The following DIP2C variants were observed in gnomAD, a reference collection of about 807,000 sequenced individuals.
DIP2C encodes the protein disco-interacting protein 2 homolog C.
Under a neutral mutation model 192.4 loss-of-function variants are expected in DIP2C, and 33 were observed. The observed-to-expected ratio is 0.17, with a 90% CI of 0.13 to 0.23. DIP2C has a LOEUF of 0.23. Among genes scored for constraint, DIP2C ranks in the 10% least tolerant of loss-of-function variants. DIP2C has a pLI of 1.00. For synonymous variants in DIP2C, 979 were observed against 864.1 expected (o/e 1.13, Z -2.33); for missense variants, 1,537 against 2,110.1 (o/e 0.73, Z 5.32).
At chr10:653,153 A>G (rs1427144218) in intron 1 of DIP2C, among the ~76,000 whole-genome samples, 1 of 152,128 alleles carries the variant, frequency 6.6e-6, no homozygotes, top group Non-Finnish European at 1.5e-5. Context: ...TGCCACATTT[A>G]AAATGGTCAT....
At chr10:379,839 G>A (rs1050169467) in intron 17 of DIP2C, among the ~76,000 whole-genome samples, 7 of 151,910 alleles carry the variant, frequency 4.6e-5, no homozygotes, top group African/African-American at 1.7e-4. Flanking sequence ...GGCTGTCCCT[G>A]GAAGATGGTT....
rs1163159826 is a variant in DIP2C, at chr10:334,282, G to A, written c.3585-4681C>T. Among the ~76,000 whole-genome samples the A allele has an allele frequency of 4.9e-5, 6 of 122,362 alleles. 1 individual carries two copies. Among genetic ancestry groups the A allele is most frequent in the South Asian group, 5.6e-4 (2 of 3,568 alleles). The allele number at this position is 122,362 out of a possible 152,430, so 80.3% of individuals were successfully genotyped here. A position where few individuals can be genotyped will look rare whatever the true frequency, so the allele number is the denominator to read the frequency against. ...AGATCAAGCTACTGCACTCCAGCCC[G>A]GGTGACAGAGCAAGACTGTCTCAAA... On this transcript the variant is annotated intron_variant, in intron 29 of 36. Transcript: ENST00000280886.
intron 5 of DIP2C, among the ~76,000 whole-genome samples, chr10:421,436 T>C (rs1239120653): frequency 6.6e-6 from 1 of 152,216 alleles, no homozygotes; most frequent in Non-Finnish European, 1.5e-5. Flanking sequence ...AGATGGTGTT[T>C]GGCCTCCCCG....
At chr10:584,261 CTT>C (rs1428803945) in intron 1 of DIP2C, among the ~76,000 whole-genome samples, 1 of 152,238 alleles carries the variant, frequency 6.6e-6, no homozygotes, top group African/African-American at 2.4e-5. Flanking sequence ...TTGTGATACT[CTT>C]TAAACAACCA....
chr10:368,947 C>T (rs1960631852), intron 18 of DIP2C, among the ~76,000 whole-genome samples: 1 of 152,244 alleles, frequency 6.6e-6, no homozygotes, highest in Admixed American at 6.5e-5. Flanking sequence ...GGTGCCTGGG[C>T]GCTCCTCGTG....
At chr10:584,783 G>A (rs1355800232) in intron 1 of DIP2C, among the ~76,000 whole-genome samples, 3 of 114,600 alleles carry the variant, frequency 2.6e-5, no homozygotes, top group Non-Finnish European at 5.1e-5. Context: ...CCCCACTCAC[G>A]CGTATCACCT....
At chr10:451,934 T>A (rs1968881559) in intron 3 of DIP2C, among the ~76,000 whole-genome samples, 1 of 152,056 alleles carries the variant, frequency 6.6e-6, no homozygotes, top group East Asian at 1.9e-4. Flanking sequence ...GTCAAAAAAC[T>A]GAGAAAACAG....
chr10:364,446 C>T lies in DIP2C; in HGVS notation c.2405G>A (p.Arg802His), dbSNP rs138357860. 3.3e-4 allele frequency: 527 copies of T among 1,614,092 alleles called. 3 individuals carry two copies. Among genetic ancestry groups the T allele is most frequent in the Admixed American group, 2.3e-4 (14 of 60,026 alleles). The change falls in exon 20 of 37, where the codon CGC becomes CAC. Residue 802 changes from arginine (R) to histidine (H), a missense_variant. Physicochemically the swap from Arg to His is conservative, Grantham distance 29. Coordinates refer to ENST00000280886, the MANE Select transcript of DIP2C (RefSeq NM_014974.3). Reference sequence around the variant, plus strand: ...CACGATGTCGTCGGCGTTGTGCCTGCGCCCGCTGACCACCATGAGGCCATC... The same window carrying T: ...CACGATGTCGTCGGCGTTGTGCCTGTGCCCGCTGACCACCATGAGGCCATC... ...KMDGLMVVSG[R>H]RHNADDIVAT...
chr10:315,424 C>T (rs1956735497), intron 31 of DIP2C, among the ~76,000 whole-genome samples: 1 of 152,150 alleles, frequency 6.6e-6, no homozygotes, highest in African/African-American at 2.4e-5. Flanking sequence ...CTGAACGATT[C>T]TCTAGGTTGG....
chr10:466,718 G>A (rs1472970102), intron 3 of DIP2C, among the ~76,000 whole-genome samples: 1 of 151,708 alleles, frequency 6.6e-6, no homozygotes, highest in South Asian at 2.1e-4. Context: ...ATCAAAAAGT[G>A]GGCAAAGGAC....
intron 1 of DIP2C, among the ~76,000 whole-genome samples, chr10:654,312 G>A (rs1288930141): frequency 6.6e-6 from 1 of 152,228 alleles, no homozygotes; most frequent in Non-Finnish European, 1.5e-5. Flanking sequence ...ACAAAAGACA[G>A]AAGCCCGTTT....
intron 14 of DIP2C, among the ~76,000 whole-genome samples, chr10:386,733 T>C (rs1962962910): frequency 6.6e-6 from 1 of 152,226 alleles, no homozygotes; most frequent in Non-Finnish European, 1.5e-5. Context: ...TGTATTCATA[T>C]GCCCATCACT....
intron 6 of DIP2C, 138 bp downstream of exon 6, chr10:418,927 G>A: frequency 7.7e-7 from 1 of 1,297,946 alleles, no homozygotes; most frequent in Non-Finnish European, 1.0e-6. Context: ...TCCATGAGAG[G>A]CTCCCGAAGA....
At chr10:413,276 G>A (rs1357192504) in intron 8 of DIP2C, among the ~76,000 whole-genome samples, 10 of 152,332 alleles carry the variant, frequency 6.6e-5, no homozygotes, top group East Asian at 5.8e-4. Flanking sequence ...CTTACAGACT[G>A]TATTAATTGT....
Position 345,058 on chromosome 10 carries a change from C to T in DIP2C, c.3284G>A (p.Arg1095Gln), listed in dbSNP as rs1265926048. The change falls in exon 27 of 37, where the codon CGG becomes CAG. Residue 1095 changes from arginine to glutamine, a missense_variant. This residue lies in a region of DIP2C where 677 missense variants were observed against 989.9 expected (regional missense o/e 0.68). Coordinates refer to ENST00000280886, the MANE Select transcript of DIP2C (RefSeq NM_014974.3). ...MTTQLICKLL[R>Q]SREAAAAVDV... ...CACAGCCGCCGCCGCCTCCCTGGAC[C>T]GCAGCAACTTACAGATCAGCTGTGT... 12 of 1,613,646 alleles carry T rather than the reference C, an allele frequency of 7.4e-6. No individual in the cohort carries two copies. Among genetic ancestry groups the T allele is most frequent in the South Asian group, 1.1e-5 (1 of 90,972 alleles).
chr10:557,408 C>T (rs1848935853), intron 1 of DIP2C, among the ~76,000 whole-genome samples: 1 of 151,616 alleles, frequency 6.6e-6, no homozygotes, highest in Non-Finnish European at 1.5e-5. Flanking sequence ...TTGCCTTAAG[C>T]CACTAGGTTT....
chr10:381,451 T>A (rs890441331), intron 17 of DIP2C, among the ~76,000 whole-genome samples: 15 of 151,960 alleles, frequency 9.9e-5, no homozygotes, highest in African/African-American at 3.4e-4. Context: ...ATCACGCCAA[T>A]CAGAAAAGTG....
rs1854870875 is a variant in DIP2C at position 636,886 on chromosome 10, G to A, written c.85+52608C>T. Among the ~76,000 whole-genome samples, 1 of 152,228 alleles carries A rather than the reference G, an allele frequency of 6.6e-6. No individual in the cohort carries two copies. Among genetic ancestry groups the A allele is most frequent in the South Asian group, 2.1e-4 (1 of 4,834 alleles). ...ATACACTTCTCAGCAGCTTCCCGGT[G>A]AGGCTGCTGGTTCACGAGGGGCGGG... is the stretch of plus-strand genomic sequence containing the variant. On this transcript the variant is annotated intron_variant, in intron 1 of 36. Coordinates refer to ENST00000280886, the MANE Select transcript of DIP2C (RefSeq NM_014974.3). The surrounding 1 kb of genome is among the most constrained non-coding windows in gnomAD (Gnocchi z 4.6).
chr10:324,750 C>T (rs190297718), intron 31 of DIP2C: 11 of 357,196 alleles, frequency 3.1e-5, no homozygotes, highest in African/African-American at 1.1e-4. Context: ...ACTCCCACGG[C>T]GCACATTCAT....
Sources: allele counts gnomAD v4.1 joint callset (sites outside exome capture counted in the v4.1 genomes callset), GRCh38; gene constraint gnomAD v4.1.1; regional missense constraint gnomAD v4.1.1; non-coding constraint Gnocchi (gnomAD v3.1); transcripts MANE v1.5; gene names NCBI Gene and HGNC (gene_info 2026-07-23, HGNC 2026-07-21).